The following SLC9A9 variants were observed in gnomAD, a reference collection of about 807,000 sequenced individuals.
SLC9A9 encodes the protein solute carrier family 9 member A9.
In SLC9A9, 62 loss-of-function variants were observed where a neutral mutation model predicts 77.8. The ratio of observed to expected loss-of-function variants is 0.80; its 90% CI spans 0.65 to 0.98. The LOEUF (loss-of-function observed/expected upper bound fraction) is 0.98. Ranked by LOEUF, SLC9A9 falls within the 50% of genes least tolerant of loss-of-function variation. The probability of loss-of-function intolerance (pLI) is 0.00; values close to 1 mark genes in which losing one functional copy is unlikely to be tolerated. For missense variants in SLC9A9, 775 were observed against 774.9 expected, an observed-to-expected ratio of 1.00 and a Z score of 0.00; for synonymous variants, 320 against 283.5, an observed-to-expected ratio of 1.13 and a Z score of -1.29.
At chr3:143,832,437 T>G (rs984154544) in intron 1 of SLC9A9, among the ~76,000 whole-genome samples, 1 of 152,124 alleles carries the variant, frequency 6.6e-6, no homozygotes, top group African/African-American at 2.4e-5. Context: ...ACTCAGCAAA[T>G]CTTCCCATTT....
chr3:143,768,144 A>G (rs1342688170), intron 4 of SLC9A9, among the ~76,000 whole-genome samples: 1 of 152,030 alleles, frequency 6.6e-6, no homozygotes, highest in African/African-American at 2.4e-5. Flanking sequence ...GGGCTCACTG[A>G]CTGACTGCCA....
chr3:143,335,251 T>G (rs1431088330), intron 14 of SLC9A9, among the ~76,000 whole-genome samples: 1 of 152,260 alleles, frequency 6.6e-6, no homozygotes, highest in East Asian at 1.9e-4. Context: ...GGAGGAGACT[T>G]GTACATTGAA....
At chr3:143,522,871 A>G (rs752652616) in intron 9 of SLC9A9, among the ~76,000 whole-genome samples, 20 of 152,162 alleles carry the variant, frequency 1.3e-4, no homozygotes, top group Non-Finnish European at 2.6e-4. Flanking sequence ...ACCCTAAATC[A>G]TTACCCTGAA....
At chr3:143,299,224 A>T (rs550690842) in intron 14 of SLC9A9, among the ~76,000 whole-genome samples, 1 of 150,188 alleles carries the variant, frequency 6.7e-6, no homozygotes, top group East Asian at 1.9e-4. Flanking sequence ...CCTAAAGGGT[A>T]AAAAAAAAGG....
intron 6 of SLC9A9, among the ~76,000 whole-genome samples, chr3:143,646,950 C>A (rs1052645151): frequency 6.6e-6 from 1 of 152,232 alleles, no homozygotes; most frequent in South Asian, 2.1e-4. Flanking sequence ...TAAAGCTGAT[C>A]TTATTTAGTA....
intron 2 of SLC9A9, among the ~76,000 whole-genome samples, chr3:143,827,567 T>C (rs1474795405): frequency 6.6e-6 from 1 of 152,198 alleles, no homozygotes; most frequent in Admixed American, 6.5e-5. Flanking sequence ...ATTTTCCAGT[T>C]TTATACCTTC....
chr3:143,278,911 T>G (rs1021559339), intron 14 of SLC9A9, among the ~76,000 whole-genome samples: 1 of 152,194 alleles, frequency 6.6e-6, no homozygotes, highest in African/African-American at 2.4e-5. Context: ...ACTTATTATC[T>G]ACAAGTAGGC....
At chr3:143,321,810 T>C (rs1005141688) in intron 14 of SLC9A9, among the ~76,000 whole-genome samples, 2 of 152,244 alleles carry the variant, frequency 1.3e-5, no homozygotes, top group Non-Finnish European at 1.5e-5. Context: ...AGGAAGACTC[T>C]ATTCACTCTA....
chr3:143,821,406 A>G (rs1297852511), intron 2 of SLC9A9, among the ~76,000 whole-genome samples: 1 of 152,238 alleles, frequency 6.6e-6, no homozygotes, highest in African/African-American at 2.4e-5. Context: ...ATCTCATCTC[A>G]GAGATGAGAT....
At chr3:143,516,921 T>A (rs1359991378) in intron 9 of SLC9A9, among the ~76,000 whole-genome samples, 1 of 152,204 alleles carries the variant, frequency 6.6e-6, no homozygotes, top group African/African-American at 2.4e-5. Context: ...TACCAATTCC[T>A]AATCTGAGCA....
chr3:143,772,073 G>A (rs2007541427), intron 4 of SLC9A9, among the ~76,000 whole-genome samples: 1 of 144,164 alleles, frequency 6.9e-6, no homozygotes, highest in African/African-American at 2.6e-5. Context: ...ACAATGGGAG[G>A]GGGGTGAGCA....
chr3:143,503,552 G>A, intron 9 of SLC9A9: 1 of 408,904 alleles, frequency 2.4e-6, no homozygotes, highest in Admixed American at 2.8e-5. Context: ...TCAGGTCTGT[G>A]ACTGATGTTG....
chr3:143,404,165 ATTTTTCT>A (rs1185667226), intron 12 of SLC9A9, among the ~76,000 whole-genome samples: 1 of 139,258 alleles, frequency 7.2e-6, no homozygotes, highest in Non-Finnish European at 1.5e-5. Context: ...TTTTTGTATA[ATTTTTCT>A]TTTTTCTTTT....
chr3:143,673,284 C>G (rs2039188092), intron 5 of SLC9A9, among the ~76,000 whole-genome samples: 1 of 152,024 alleles, frequency 6.6e-6, no homozygotes, highest in Non-Finnish European at 1.5e-5. Context: ...CAGGGAAAAC[C>G]CCACCCATAG....
At chr3:143,738,026 G>C (rs1303969899) in intron 4 of SLC9A9, among the ~76,000 whole-genome samples, 1 of 152,036 alleles carries the variant, frequency 6.6e-6, no homozygotes, top group Non-Finnish European at 1.5e-5. Context: ...CATGCTTTTT[G>C]GTGCATTTCC....
At chr3:143,526,685 A>C (rs1381462569) in intron 9 of SLC9A9, among the ~76,000 whole-genome samples, 5 of 151,546 alleles carry the variant, frequency 3.3e-5, no homozygotes, top group Admixed American at 2.6e-4. Flanking sequence ...GAGAGGAAAA[A>C]CCTCCTATTC....
intron 11 of SLC9A9, among the ~76,000 whole-genome samples, chr3:143,469,073 T>C (rs2035333372): frequency 1.3e-5 from 2 of 152,108 alleles, no homozygotes; most frequent in South Asian, 4.1e-4. Flanking sequence ...AGCAGGAGAA[T>C]TGCTTGAACC....
At chr3:143,593,399 G>C (rs2037690623) in intron 6 of SLC9A9, among the ~76,000 whole-genome samples, 1 of 152,168 alleles carries the variant, frequency 6.6e-6, no homozygotes, top group African/African-American at 2.4e-5. Flanking sequence ...TACTCCCCAG[G>C]TGGAACCAAG....
At chr3:143,541,346 G>A (rs1479599676) in intron 9 of SLC9A9, among the ~76,000 whole-genome samples, 1 of 152,140 alleles carries the variant, frequency 6.6e-6, no homozygotes, top group African/African-American at 2.4e-5. Flanking sequence ...CCACGTAAAT[G>A]AGGCTCTTGG....
Sources: gnomAD v4.1 joint callset for allele counts (sites outside exome capture counted in the v4.1 genomes callset) on GRCh38, gnomAD v4.1.1 for gene constraint, MANE v1.5 for transcripts, NCBI Gene and HGNC (gene_info 2026-07-23, HGNC 2026-07-21) for gene names.